The following RASA2 variants were observed in gnomAD, a reference collection of about 807,000 sequenced individuals.
The protein encoded by RASA2 is ras GTPase-activating protein 2.
A neutral mutation model predicts 118.2 loss-of-function variants in RASA2; 155 were observed. That is an observed-to-expected ratio of 1.31 (90% confidence interval 1.15 to 1.50). RASA2 has a LOEUF of 1.50. Ranked by LOEUF, RASA2 falls within the 40% of genes most tolerant of loss-of-function variation. RASA2 has a pLI of 0.00. For synonymous variants in RASA2, 353 were observed against 349.1 expected, an observed-to-expected ratio of 1.01 and a Z score of -0.12; for missense variants, 1,016 against 1,009.6, an observed-to-expected ratio of 1.01 and a Z score of -0.09.
intron 3 of RASA2, among the ~76,000 whole-genome samples, chr3:141,523,001 C>T (rs1457523739): frequency 6.6e-6 from 1 of 152,002 alleles, no homozygotes; most frequent in Admixed American, 6.6e-5. Context: ...CTGGCACTTA[C>T]TCTGCTCTAA....
chr3:141,590,234 A>G (rs2083267723), intron 19 of RASA2: 2 of 451,912 alleles, frequency 4.4e-6, no homozygotes, highest in Admixed American at 2.4e-5. Flanking sequence ...AGGGCTGCTT[A>G]AAGGTGTGTG....
chr3:141,527,165 A>G (rs1429343471), intron 3 of RASA2, among the ~76,000 whole-genome samples: 2 of 152,190 alleles, frequency 1.3e-5, no homozygotes, highest in Non-Finnish European at 2.9e-5. Context: ...ATAAACTCCT[A>G]AATAAACTTT....
intron 2 of RASA2, among the ~76,000 whole-genome samples, chr3:141,515,059 T>C (rs2082003254): frequency 4.6e-5 from 7 of 152,150 alleles, no homozygotes; most frequent in Admixed American, 4.6e-4. Flanking sequence ...TTTATTTTGA[T>C]TGGGGTGGAA....
At chr3:141,492,362 T>C (rs1397098491) in intron 1 of RASA2, among the ~76,000 whole-genome samples, 1 of 152,242 alleles carries the variant, frequency 6.6e-6, no homozygotes, top group Non-Finnish European at 1.5e-5. Flanking sequence ...AACAAAATGT[T>C]GTATAGTCAT....
chr3:141,560,141 A>G (rs1045336731), intron 9 of RASA2, 146 bp downstream of exon 9: 4 of 588,376 alleles, frequency 6.8e-6, no homozygotes, highest in African/African-American at 1.9e-5. Context: ...TCATTAATTC[A>G]TTGTTGCAGA....
chr3:141,533,184 A>G (rs769001760), intron 4 of RASA2, among the ~76,000 whole-genome samples: 6 of 152,094 alleles, frequency 3.9e-5, no homozygotes, highest in Non-Finnish European at 7.4e-5. Flanking sequence ...TTCTGCCACA[A>G]TCTAGAGAGA....
At chr3:141,529,836 G>A in intron 4 of RASA2, 34 bp downstream of exon 4, 1 of 1,480,898 alleles carries the variant, frequency 6.8e-7, no homozygotes, top group Non-Finnish European at 9.3e-7. Context: ...ACAAGAGATT[G>A]TCACAGGAAA....
intron 1 of RASA2, among the ~76,000 whole-genome samples, chr3:141,496,117 G>T (rs2151069450): frequency 6.6e-6 from 1 of 152,316 alleles, no homozygotes; most frequent in East Asian, 1.9e-4. Context: ...CTAGGCATGT[G>T]TAGAAAGCTG....
At chr3:141,560,737 T>TG (rs2082718787) in intron 9 of RASA2, among the ~76,000 whole-genome samples, 1 of 152,196 alleles carries the variant, frequency 6.6e-6, no homozygotes, top group Non-Finnish European at 1.5e-5. Flanking sequence ...GCATCTCTCT[T>TG]GCTAGATTTT....
intron 19 of RASA2, among the ~76,000 whole-genome samples, chr3:141,594,222 A>G (rs958423200): frequency 3.9e-5 from 6 of 152,196 alleles, no homozygotes; most frequent in African/African-American, 1.4e-4. Context: ...ATCAGTAGAA[A>G]TGAACCAATC....
intron 2 of RASA2, among the ~76,000 whole-genome samples, chr3:141,514,625 T>C (rs932879416): frequency 6.6e-6 from 1 of 152,224 alleles, no homozygotes. Context: ...TGAAAACAGT[T>C]TGACAGTTTC....
At chr3:141,529,824 A>G in intron 4 of RASA2, 22 bp downstream of exon 4, 1 of 1,517,466 alleles carries the variant, frequency 6.6e-7, no homozygotes, top group Non-Finnish European at 9.1e-7. Flanking sequence ...GGCTTATGTA[A>G]TACAAGAGAT....
chr3:141,578,385 G>A (rs2083046832), intron 15 of RASA2: 1 of 152,194 alleles, frequency 6.6e-6, no homozygotes. Flanking sequence ...GCAGTGATGA[G>A]TAAGATACTC....
chr3:141,495,754 T>C lies in RASA2; in HGVS notation c.133+8538T>C, dbSNP rs1016996170. ...GTTGTACATTTAGAGAAGAGGCATA[T>C]ACAAAGATATTCAATGTTGCCTTGT... On this transcript the variant is annotated intron_variant, in intron 1 of 23. Transcript: ENST00000286364. 2.0e-5 allele frequency among the ~76,000 whole-genome samples: 3 copies of C among 152,358 alleles called. No homozygotes were observed. In the East Asian group the frequency reaches 5.8e-4, roughly 29 times the overall value.
At chr3:141,606,634 T>C (rs1445229911) in intron 19 of RASA2, among the ~76,000 whole-genome samples, 1 of 152,106 alleles carries the variant, frequency 6.6e-6, no homozygotes, top group African/African-American at 2.4e-5. Context: ...AAACATTATA[T>C]GTCACATTTG....
At chr3:141,505,008 T>C (rs2081843234) in intron 1 of RASA2, among the ~76,000 whole-genome samples, 1 of 152,184 alleles carries the variant, frequency 6.6e-6, no homozygotes, top group Non-Finnish European at 1.5e-5. Flanking sequence ...AGGTATCTGC[T>C]TAAATATTTT....
intron 9 of RASA2, among the ~76,000 whole-genome samples, chr3:141,567,267 T>C (rs1188871395): frequency 1.3e-5 from 2 of 151,920 alleles, no homozygotes; most frequent in East Asian, 3.9e-4. Flanking sequence ...AATACAAAAA[T>C]TAGCCCGGTG....
At chr3:141,557,290 G>A (rs2082664594) in intron 7 of RASA2, among the ~76,000 whole-genome samples, 2 of 152,206 alleles carry the variant, frequency 1.3e-5, no homozygotes. Context: ...GCAGACATAT[G>A]TATGCATATA....
At chr3:141,516,902 T>C (rs930420610) in intron 3 of RASA2, among the ~76,000 whole-genome samples, 2 of 152,064 alleles carry the variant, frequency 1.3e-5, no homozygotes, top group Non-Finnish European at 2.9e-5. Flanking sequence ...GCCTCCTGAG[T>C]AGCTGGGATT....
Sources: allele counts gnomAD v4.1 joint callset (sites outside exome capture counted in the v4.1 genomes callset), GRCh38; gene constraint gnomAD v4.1.1; transcripts MANE v1.5; gene names NCBI Gene and HGNC (gene_info 2026-07-23, HGNC 2026-07-21).